NSMAF: variants seen among roughly 807,000 people sequenced by gnomAD.
NSMAF encodes neutral sphingomyelinase activation associated factor, also known as protein FAN.
A neutral mutation model predicts 134.9 loss-of-function variants in NSMAF; 90 were observed. The observed-to-expected ratio is 0.67, with a 90% CI of 0.56 to 0.79. The LOEUF is 0.79. Ranked by LOEUF, NSMAF falls within the 30% of genes least tolerant of loss-of-function variation. The pLI, the probability that NSMAF is intolerant of heterozygous loss-of-function variation, is 0.00. For synonymous variants in NSMAF, 358 were observed against 389.6 expected (o/e 0.92, Z 0.96); for missense variants, 1,010 against 1,119.0 (o/e 0.90, Z 1.39).
chr8:58,609,113 C>T (rs1806469370), intron 10 of NSMAF, among the ~76,000 whole-genome samples: 2 of 152,196 alleles, frequency 1.3e-5, no homozygotes, highest in African/African-American at 2.4e-5. Context: ...CCACACACAC[C>T]TCTGCACTAG....
intron 6 of NSMAF, among the ~76,000 whole-genome samples, chr8:58,627,108 A>T (rs950711138): frequency 2.0e-5 from 3 of 152,134 alleles, no homozygotes; most frequent in Non-Finnish European, 2.9e-5. Flanking sequence ...TCTGGATGTT[A>T]GTCCTTTGCC....
rs146413959 is a variant in NSMAF at position 58,586,056 on chromosome 8, T to C, written c.2447-56A>G. 23 of 1,318,538 alleles carry C rather than the reference T, an allele frequency of 1.7e-5. No individual in the cohort carries two copies. The East Asian group carries it at 3.7e-4, about 21-fold the overall frequency. The allele number at this position is 1,318,538 out of a possible 1,614,324, so 81.7% of individuals were successfully genotyped here. A position where few individuals can be genotyped will look rare whatever the true frequency, so the allele number is the denominator to read the frequency against. On this transcript the variant is annotated intron_variant, in intron 28 of 30. Transcript: ENST00000038176. ...TGACAGCTTCAGAATGTGGTTTACATTATTCTGGATTTTATTTCTGAGTCC... is the reference window on the plus strand; with the variant it reads ...TGACAGCTTCAGAATGTGGTTTACACTATTCTGGATTTTATTTCTGAGTCC...
chr8:58,647,270 C>T (rs979363575), intron 1 of NSMAF, among the ~76,000 whole-genome samples: 1 of 152,204 alleles, frequency 6.6e-6, no homozygotes, highest in African/African-American at 2.4e-5. Context: ...TTGAATGAAG[C>T]TAGACTACAG....
chr8:58,652,357 A>G (rs1790505292), intron 1 of NSMAF, among the ~76,000 whole-genome samples: 1 of 152,214 alleles, frequency 6.6e-6, no homozygotes, highest in Non-Finnish European at 1.5e-5. Context: ...AGGCAATCAA[A>G]CCTCATCAAC....
intron 1 of NSMAF, among the ~76,000 whole-genome samples, chr8:58,646,149 A>G (rs140337580): frequency 4.5e-4 from 69 of 152,244 alleles, no homozygotes; most frequent in African/African-American, 1.6e-3. Flanking sequence ...TGTAACTTTT[A>G]TTGACCTGTC....
intron 1 of NSMAF, chr8:58,659,177 G>A: frequency 3.6e-6 from 5 of 1,387,054 alleles, no homozygotes; most frequent in Non-Finnish European, 4.6e-6. Flanking sequence ...GGGGGTGCCC[G>A]CCGGGCAGCG....
chr8:58,651,417 T>C (rs886856669), intron 1 of NSMAF, among the ~76,000 whole-genome samples: 6 of 152,204 alleles, frequency 3.9e-5, no homozygotes, highest in Non-Finnish European at 5.9e-5. Flanking sequence ...TAAAGCTTTC[T>C]ATCACTCAGC....
rs1351515800 is a variant in NSMAF at position 58,606,051 on chromosome 8, G to C, written c.760-16C>G. 2 of 1,196,872 alleles carry C rather than the reference G, an allele frequency of 1.7e-6. No individual in the cohort carries two copies. Among genetic ancestry groups the C allele is most frequent in the Non-Finnish European group, 1.2e-6 (1 of 858,824 alleles). 74.1% of individuals were successfully genotyped at this position (1,196,872 alleles called of 1,614,324 possible). ...CTTCCAAGCCCTATAAATTCAAAAAGAAAATAATAAAATAAATAGCATTGT... is the reference window on the plus strand; with the variant it reads ...CTTCCAAGCCCTATAAATTCAAAAACAAAATAATAAAATAAATAGCATTGT... On this transcript the variant is annotated splice_polypyrimidine_tract_variant and intron_variant, in intron 11 of 30. Coordinates refer to ENST00000038176, the MANE Select transcript of NSMAF (RefSeq NM_003580.4).
intron 2 of NSMAF, chr8:58,640,067 C>T (rs1335378276): frequency 6.6e-6 from 3 of 455,206 alleles, no homozygotes; most frequent in Non-Finnish European, 1.3e-5. Flanking sequence ...AGATGCTGGG[C>T]AAAGTGCACA....
chr8:58,605,143 G>A (rs969386369), intron 12 of NSMAF, among the ~76,000 whole-genome samples: 3 of 152,150 alleles, frequency 2.0e-5, no homozygotes, highest in African/African-American at 7.2e-5. Flanking sequence ...AAAAAACTTT[G>A]GGCTTGAACA....
rs747541419 is a variant in NSMAF at position 58,597,453 on chromosome 8, T to C, written c.1726A>G (p.Ile576Val). The stretch of plus-strand genomic sequence containing the variant: ...GACAAACTTTTAAACTTTGGGGTGA[T>C]CCTTCGAGGATGTGGTGTCACAAAT... ...QLFVTPHPRR[I>V]TPKFKSLSQT... The change falls in exon 21 of 31, where the codon ATC becomes GTC. Residue 576 changes from isoleucine (I) to valine (V), a missense_variant. By Grantham distance (29) the Ile-to-Val change is conservative. Transcript: ENST00000038176. 4 of 1,614,044 alleles carry C rather than the reference T, an allele frequency of 2.5e-6. No homozygotes were observed. The highest frequency in any genetic ancestry group is 3.4e-6 in the Non-Finnish European group (4 of 1,179,986).
chr8:58,658,776 C>T (rs1807781987), intron 1 of NSMAF, among the ~76,000 whole-genome samples: 1 of 152,186 alleles, frequency 6.6e-6, no homozygotes, highest in South Asian at 2.1e-4. Flanking sequence ...TGAGACTTCC[C>T]TTGGGGACAG....
rs181978585 is a variant in NSMAF, at chr8:58,611,015, A to G, written c.558-1282T>C. 1.6e-4 allele frequency among the ~76,000 whole-genome samples: 25 copies of G among 152,324 alleles called. No individual in the cohort carries two copies. In the East Asian group the frequency reaches 4.4e-3, roughly 27 times the overall value. ...CTCCCTGTACAAGTAGCCTGACAGAATAAGAGGTGGCTTGACCACTTCTGG... is the reference window on the plus strand; with the variant it reads ...CTCCCTGTACAAGTAGCCTGACAGAGTAAGAGGTGGCTTGACCACTTCTGG... On this transcript the variant is annotated intron_variant, in intron 9 of 30. Coordinates refer to ENST00000038176, the MANE Select transcript of NSMAF (RefSeq NM_003580.4).
In NSMAF at chr8:58,659,627, GC is replaced by G; in HGVS notation, c.4del (p.Ala2ArgfsTer55). 1 of 1,464,016 alleles carries G rather than the reference GC, an allele frequency of 6.8e-7. No homozygotes were observed. Among genetic ancestry groups the G allele is most frequent in the Admixed American group, 2.7e-5 (1 of 36,930 alleles). The allele number at this position is 1,464,016 out of a possible 1,614,324, so 90.7% of individuals were successfully genotyped here. A position where few individuals can be genotyped will look rare whatever the true frequency, so the allele number is the denominator to read the frequency against. M[A>X]FIRKKQQEQQ... ...CTCCTGCTGCTTCTTCCGGATAAACGCCATGGAGGGTAGGCGCGGGCGGGCG... is the reference window on the plus strand; with the variant it reads ...CTCCTGCTGCTTCTTCCGGATAAACGCATGGAGGGTAGGCGCGGGCGGGCG... On this transcript the variant is annotated frameshift_variant, in exon 1 of 31. Coordinates refer to ENST00000038176, the MANE Select transcript of NSMAF (RefSeq NM_003580.4). LOFTEE classifies it high-confidence loss of function.
At chr8:58,598,296 A>C (rs900231852) in intron 19 of NSMAF, among the ~76,000 whole-genome samples, 1 of 152,126 alleles carries the variant, frequency 6.6e-6, no homozygotes, top group African/African-American at 2.4e-5. Flanking sequence ...AGAAACGTGG[A>C]AGAAGATAAG....
At position 58,610,902 on chromosome 8, in the gene NSMAF, A is replaced by G. The variant is rs564593975; in HGVS notation, c.558-1169T>C. Among the ~76,000 whole-genome samples, 5 of 152,292 alleles carry G rather than the reference A, an allele frequency of 3.3e-5. No individual in the cohort carries two copies. The East Asian group carries it at 5.8e-4, about 18-fold the overall frequency. Reference sequence around the variant, plus strand: ...AGAGAAAGTCTTTATCACTCCCTCAATAGAGTTGTAGGCAGTGTTGGCTTA... The same window carrying G: ...AGAGAAAGTCTTTATCACTCCCTCAGTAGAGTTGTAGGCAGTGTTGGCTTA... On this transcript the variant is annotated intron_variant, in intron 9 of 30. Coordinates refer to ENST00000038176, the MANE Select transcript of NSMAF (RefSeq NM_003580.4).
intron 30 of NSMAF, 114 bp downstream of exon 30, chr8:58,585,538 T>C: frequency 2.8e-6 from 2 of 722,296 alleles, no homozygotes; most frequent in Middle Eastern, 3.8e-4. Context: ...GTTTACGACA[T>C]GGAAAAACCA....
At position 58,585,897 on chromosome 8, in the gene NSMAF, C is replaced by T. The variant is rs1805874158; in HGVS notation, c.2549+1G>A. ...CGCCCCCAGTAACTCACAAACTATA[C>T]CTCTGGGGCTCATCTGATGTCATGG... On this transcript the variant is annotated splice_donor_variant, in intron 29 of 30. Transcript: ENST00000038176. LOFTEE classifies it high-confidence loss of function. 1.2e-6 allele frequency: 2 copies of T among 1,611,970 alleles called. No homozygotes were observed. Among genetic ancestry groups the T allele is most frequent in the East Asian group, 2.2e-5 (1 of 44,872 alleles).
chr8:58,588,299 T>C (rs1300864093), intron 26 of NSMAF: 1 of 672,030 alleles, frequency 1.5e-6, no homozygotes, highest in East Asian at 2.7e-5. Flanking sequence ...ATAAAATGTG[T>C]CTTTTAATGA....
Sources: gnomAD v4.1 joint callset for allele counts (sites outside exome capture counted in the v4.1 genomes callset) on GRCh38, gnomAD v4.1.1 for gene constraint, MANE v1.5 for transcripts, NCBI Gene and HGNC (gene_info 2026-07-23, HGNC 2026-07-21) for gene names.